The following MCTP2 variants were observed in gnomAD, a reference collection of about 807,000 sequenced individuals.
MCTP2 encodes the protein multiple C2 and transmembrane domain containing 2, also known as multiple C2 and transmembrane domain-containing protein 2.
In MCTP2, 132 loss-of-function variants were observed where a neutral mutation model predicts 111.6. The ratio of observed to expected loss-of-function variants is 1.18; its 90% CI spans 1.03 to 1.37. The LOEUF (loss-of-function observed/expected upper bound fraction) is 1.37. MCTP2 is among the 40% of genes most tolerant of loss of function. The pLI, the probability that MCTP2 is intolerant of heterozygous loss-of-function variation, is 0.00. For missense variants in MCTP2, 1,183 were observed against 1,067.9 expected (o/e 1.11, Z -1.50); for synonymous variants, 395 against 387.7 (o/e 1.02, Z -0.22).
chr15:94,416,574 A>G (rs1337616167), intron 17 of MCTP2, among the ~76,000 whole-genome samples: 1 of 152,162 alleles, frequency 6.6e-6, no homozygotes, highest in Non-Finnish European at 1.5e-5. Flanking sequence ...TAAAAATTAA[A>G]AATTCAAACA....
chr15:94,277,528 GA>G (rs1192233766), intron 1 of MCTP2, among the ~76,000 whole-genome samples: 1 of 152,118 alleles, frequency 6.6e-6, no homozygotes, highest in East Asian at 1.9e-4. Context: ...AGGCATGGAG[GA>G]ACCTTAAATA....
intron 4 of MCTP2, among the ~76,000 whole-genome samples, chr15:94,325,392 T>C (rs988202707): frequency 2.6e-5 from 4 of 152,230 alleles, no homozygotes; most frequent in Non-Finnish European, 5.9e-5. Flanking sequence ...GGTTTTGTTT[T>C]TGCATTTCGC....
intron 8 of MCTP2, among the ~76,000 whole-genome samples, chr15:94,350,318 T>G (rs531801149): frequency 1.4e-4 from 21 of 152,320 alleles, no homozygotes; most frequent in African/African-American, 5.0e-4. Context: ...CTGGGCACGG[T>G]GGCTCATGCC....
At chr15:94,248,742 A>G (rs1416345361) in intron 1 of MCTP2, among the ~76,000 whole-genome samples, 1 of 152,338 alleles carries the variant, frequency 6.6e-6, no homozygotes, top group Middle Eastern at 3.4e-3. Context: ...TGTTTGGTGA[A>G]CAATGAGCCA....
chr15:94,393,721 A>T (rs892020590), intron 14 of MCTP2, among the ~76,000 whole-genome samples: 1 of 152,198 alleles, frequency 6.6e-6, no homozygotes, highest in African/African-American at 2.4e-5. Flanking sequence ...TTAATCAATA[A>T]GGAAAATACA....
At chr15:94,358,361 T>G in intron 9 of MCTP2, 121 bp from the exon 10 acceptor site, 2 of 866,916 alleles carry the variant, frequency 2.3e-6, no homozygotes, top group Non-Finnish European at 1.7e-6. Context: ...AAGTTTACCT[T>G]TATAAGGGGT....
At chr15:94,383,051 A>AT (rs79539551) in intron 12 of MCTP2, among the ~76,000 whole-genome samples, 172 of 151,776 alleles carry the variant, frequency 1.1e-3, no homozygotes, top group African/African-American at 3.4e-3. Context: ...GATGAGCTTA[A>AT]TTTTTTTTTG....
At chr15:94,470,829 G>GC (rs2152540507) in intron 21 of MCTP2, among the ~76,000 whole-genome samples, 1 of 152,188 alleles carries the variant, frequency 6.6e-6, no homozygotes, top group African/African-American at 2.4e-5. Context: ...AGTGGATCTG[G>GC]CCACTACCAG....
At chr15:94,473,936 C>G (rs1000142427) in intron 21 of MCTP2, among the ~76,000 whole-genome samples, 3 of 140,002 alleles carry the variant, frequency 2.1e-5, no homozygotes, top group Admixed American at 7.3e-5. Context: ...TTTTCCATCT[C>G]TTCTGATTTT....
At chr15:94,361,867 G>A (rs1054316754) in intron 10 of MCTP2, among the ~76,000 whole-genome samples, 1 of 152,170 alleles carries the variant, frequency 6.6e-6, no homozygotes, top group Non-Finnish European at 1.5e-5. Flanking sequence ...TGGGGTAGTG[G>A]TTGCTTATGT....
intron 18 of MCTP2, 103 bp downstream of exon 18, chr15:94,440,401 T>G (rs1310950591): frequency 6.9e-7 from 1 of 1,457,132 alleles, no homozygotes; most frequent in African/African-American, 1.4e-5. Context: ...TCGTTTGAGG[T>G]GTAAGGAGCA....
At chr15:94,330,531 AC>A (rs2077084146) in intron 4 of MCTP2, among the ~76,000 whole-genome samples, 1 of 151,120 alleles carries the variant, frequency 6.6e-6, no homozygotes, top group South Asian at 2.1e-4. Context: ...TCTCCTCTAA[AC>A]CTTTCTAGTC....
rs201044844 is a variant in MCTP2 at position 94,299,377 on chromosome 15, A to G, written c.465+647A>G. Among the ~76,000 whole-genome samples, 30 of 152,200 alleles carry G rather than the reference A, an allele frequency of 2.0e-4. No homozygotes were observed. The East Asian group carries it at 4.7e-3, about 24-fold the overall frequency. The stretch of plus-strand genomic sequence containing the variant: ...GCCCAGTCATACCTGTAGAAAAACC[A>G]TGCATATTATTACTCCTAAGAAGCA... On this transcript the variant is annotated intron_variant, in intron 2 of 22. Coordinates refer to ENST00000357742, the MANE Select transcript of MCTP2 (RefSeq NM_001385001.1).
At chr15:94,245,290 G>A (rs912891364) in intron 1 of MCTP2, among the ~76,000 whole-genome samples, 2 of 138,762 alleles carry the variant, frequency 1.4e-5, no homozygotes, top group African/African-American at 2.6e-5. Flanking sequence ...ATACACATAT[G>A]TATATATTTA....
chr15:94,329,363 C>T (rs2077033535), intron 4 of MCTP2, among the ~76,000 whole-genome samples: 1 of 152,112 alleles, frequency 6.6e-6, no homozygotes. Flanking sequence ...TCCGTTCTTG[C>T]ATTGCTATAA....
chr15:94,295,804 A>G (rs935296995), intron 1 of MCTP2, among the ~76,000 whole-genome samples: 2 of 151,760 alleles, frequency 1.3e-5, no homozygotes, highest in African/African-American at 4.8e-5. Context: ...AGTCCCAGCT[A>G]TTTGGGAGGC....
At chr15:94,471,200 T>C (rs901297766) in intron 21 of MCTP2, among the ~76,000 whole-genome samples, 1 of 152,206 alleles carries the variant, frequency 6.6e-6, no homozygotes, top group Admixed American at 6.5e-5. Flanking sequence ...GGAGAAGCAG[T>C]TAGCCGTTCT....
chr15:94,366,622 G>T (rs926870720), intron 10 of MCTP2, among the ~76,000 whole-genome samples: 1 of 152,018 alleles, frequency 6.6e-6, no homozygotes, highest in South Asian at 2.1e-4. Flanking sequence ...TATCCTTATT[G>T]TTCTCTCTGG....
chr15:94,305,034 G>A (rs1326915186), intron 2 of MCTP2, among the ~76,000 whole-genome samples: 2 of 152,074 alleles, frequency 1.3e-5, no homozygotes, highest in African/African-American at 2.4e-5. Flanking sequence ...GGGTGCTGAC[G>A]GATAAAGAGT....
Sources: gnomAD v4.1 joint callset for allele counts (sites outside exome capture counted in the v4.1 genomes callset) on GRCh38, gnomAD v4.1.1 for gene constraint, MANE v1.5 for transcripts, NCBI Gene and HGNC (gene_info 2026-07-23, HGNC 2026-07-21) for gene names.